Variants in E2F3 observed in about 807,000 individuals in gnomAD.
E2F3 encodes E2F transcription factor 3.
E2F3 carries 11 observed loss-of-function variants against 44.4 expected under a neutral mutation model. The observed-to-expected ratio is 0.25, with a 90% confidence interval of 0.16 to 0.41. The LOEUF (loss-of-function observed/expected upper bound fraction) is 0.41, where lower values mean the gene tolerates loss of function less well. Among genes scored for constraint, E2F3 ranks in the 10% least tolerant of loss-of-function variants. The pLI is 1.00. For missense variants in E2F3, 487 were observed against 583.6 expected (o/e 0.83, Z 1.70); for synonymous variants, 249 against 253.0 (o/e 0.98, Z 0.15).
At chr6:20,437,408 A>G (rs1434836391) in intron 1 of E2F3, among the ~76,000 whole-genome samples, 5 of 152,184 alleles carry the variant, frequency 3.3e-5, no homozygotes, top group African/African-American at 1.2e-4. Context: ...TTGGAAATGG[A>G]ACTGAGCAGC....
intron 1 of E2F3, among the ~76,000 whole-genome samples, chr6:20,427,580 C>A (rs942123715): frequency 5.3e-5 from 8 of 152,128 alleles, no homozygotes; most frequent in African/African-American, 1.9e-4. Flanking sequence ...CTGTGACTGT[C>A]CACTAAGCCA....
At chr6:20,467,536 T>C (rs1190750765) in intron 1 of E2F3, among the ~76,000 whole-genome samples, 3 of 152,202 alleles carry the variant, frequency 2.0e-5, no homozygotes, top group African/African-American at 4.8e-5. Context: ...TGCCCTTTCC[T>C]GACACTGCCT....
intron 4 of E2F3, 119 bp downstream of exon 4, chr6:20,483,039 G>A (rs1038747077): frequency 3.5e-6 from 5 of 1,415,144 alleles, no homozygotes; most frequent in African/African-American, 2.8e-5. Context: ...ATGAGTACCT[G>A]TGTGCCTGTG....
At chr6:20,468,304 A>G (rs972548643) in intron 1 of E2F3, among the ~76,000 whole-genome samples, 1 of 152,234 alleles carries the variant, frequency 6.6e-6, no homozygotes, top group Non-Finnish European at 1.5e-5. Context: ...AACCTGCTGT[A>G]AATCGGGGTT....
rs1018216753 is a variant in E2F3 at position 20,479,970 on chromosome 6, T to C, written c.505+13T>C. 3.8e-6 allele frequency: 6 copies of C among 1,591,900 alleles called. No homozygotes were observed. Among genetic ancestry groups the C allele is most frequent in the Admixed American group, 1.7e-5 (1 of 57,202 alleles). On this transcript the variant is annotated intron_variant, in intron 2 of 6. Transcript: ENST00000346618. The stretch of plus-strand genomic sequence containing the variant: ...GATAGTCCAAAAAGTAAGGATCTTT[T>C]CATCTCTTTCCTTATTCTCCTTGGT...
Position 20,417,747 on chromosome 6 carries a change from G to A in E2F3, c.393+15122G>A, listed in dbSNP as rs185722640. Reference sequence around the variant, plus strand: ...TAATTACAGCCATGTTAAAAGGGGTGTTTGGGACGGTTTGGTAGTTCCTTT... The same window carrying A: ...TAATTACAGCCATGTTAAAAGGGGTATTTGGGACGGTTTGGTAGTTCCTTT... On this transcript the variant is annotated intron_variant, in intron 1 of 6. Transcript: ENST00000346618. 1.2e-4 allele frequency among the ~76,000 whole-genome samples: 18 copies of A among 152,204 alleles called. No individual in the cohort carries two copies. The East Asian group carries it at 3.3e-3, about 28-fold the overall frequency.
chr6:20,433,851 G>C (rs1760489065), intron 1 of E2F3, among the ~76,000 whole-genome samples: 1 of 152,080 alleles, frequency 6.6e-6, no homozygotes. Flanking sequence ...CATGAATTCT[G>C]GTGGAATTAT....
intron 1 of E2F3, among the ~76,000 whole-genome samples, chr6:20,457,351 T>TC (rs1428470962): frequency 9.6e-5 from 14 of 145,330 alleles, no homozygotes; most frequent in African/African-American, 2.5e-4. Context: ...ATTTTTTCTT[T>TC]TTTTTTTTTT....
chr6:20,448,801 T>A (rs1426325896), intron 1 of E2F3, among the ~76,000 whole-genome samples: 1 of 151,988 alleles, frequency 6.6e-6, no homozygotes, highest in Non-Finnish European at 1.5e-5. Flanking sequence ...GTGAGGGGAG[T>A]GCCACATAGT....
intron 1 of E2F3, among the ~76,000 whole-genome samples, chr6:20,459,135 G>C (rs1379249814): frequency 6.6e-6 from 1 of 152,176 alleles, no homozygotes; most frequent in Admixed American, 6.5e-5. Flanking sequence ...AGCCTAGCGT[G>C]GTGGCCGACA....
intron 1 of E2F3, among the ~76,000 whole-genome samples, chr6:20,451,482 T>C (rs539081144): frequency 8.5e-5 from 13 of 152,318 alleles, no homozygotes; most frequent in Admixed American, 5.9e-4. Context: ...GTTTTCTAGA[T>C]ATAGAATCAT....
chr6:20,435,206 G>C (rs978582739), intron 1 of E2F3, among the ~76,000 whole-genome samples: 1 of 152,146 alleles, frequency 6.6e-6, no homozygotes, highest in Non-Finnish European at 1.5e-5. Context: ...TCCAACTCCT[G>C]GGCTCAAGCA....
intron 1 of E2F3, among the ~76,000 whole-genome samples, chr6:20,410,847 C>T (rs1759649295): frequency 6.6e-6 from 1 of 152,232 alleles, no homozygotes; most frequent in Non-Finnish European, 1.5e-5. Flanking sequence ...GTCTCGAACT[C>T]CTGACCTCAG....
chr6:20,456,094 G>T (rs1761300495), intron 1 of E2F3, among the ~76,000 whole-genome samples: 2 of 151,892 alleles, frequency 1.3e-5, no homozygotes, highest in South Asian at 4.2e-4. Context: ...TTTAGCTTTT[G>T]CCAGGTTCCG....
intron 1 of E2F3, among the ~76,000 whole-genome samples, chr6:20,417,626 A>G (rs1237665014): frequency 6.6e-6 from 1 of 151,714 alleles, no homozygotes; most frequent in Non-Finnish European, 1.5e-5. Flanking sequence ...ACTGGCAGAA[A>G]TACTTTTATT....
At chr6:20,486,072 A>G (rs1762382061) in intron 4 of E2F3, among the ~76,000 whole-genome samples, 1 of 152,218 alleles carries the variant, frequency 6.6e-6, no homozygotes, top group Non-Finnish European at 1.5e-5. Context: ...GCTTCAAGAT[A>G]AAATTTCTGA....
intron 1 of E2F3, among the ~76,000 whole-genome samples, chr6:20,458,537 T>C (rs1242705230): frequency 6.6e-6 from 1 of 152,178 alleles, no homozygotes; most frequent in Non-Finnish European, 1.5e-5. Context: ...ACCTTGGAGA[T>C]AAGCTTCTAT....
At chr6:20,429,615 A>T (rs551462734) in intron 1 of E2F3, among the ~76,000 whole-genome samples, 1 of 152,264 alleles carries the variant, frequency 6.6e-6, no homozygotes, top group Non-Finnish European at 1.5e-5. Context: ...TCAAACTAAG[A>T]GAAGGACAAA....
intron 1 of E2F3, among the ~76,000 whole-genome samples, chr6:20,447,261 T>G (rs1760977211): frequency 6.6e-6 from 1 of 152,172 alleles, no homozygotes; most frequent in African/African-American, 2.4e-5. Flanking sequence ...GCCTTTCTTG[T>G]GAACTTTCTT....
Sources: allele counts gnomAD v4.1 joint callset (sites outside exome capture counted in the v4.1 genomes callset), GRCh38; gene constraint gnomAD v4.1.1; transcripts MANE v1.5; gene names NCBI Gene and HGNC (gene_info 2026-07-23, HGNC 2026-07-21).